The following HSD17B8 variants were observed in gnomAD, a reference collection of about 807,000 sequenced individuals.
The protein encoded by HSD17B8 is (3R)-3-hydroxyacyl-CoA dehydrogenase.
Under a neutral mutation model 33.2 loss-of-function variants are expected in HSD17B8, and 23 were observed. The observed-to-expected ratio is 0.69, with a 90% CI of 0.50 to 0.98. The LOEUF (loss-of-function observed/expected upper bound fraction) is 0.98, where lower values mean the gene tolerates loss of function less well. Ranked by LOEUF, HSD17B8 falls within the 50% of genes least tolerant of loss-of-function variation. The probability of loss-of-function intolerance (pLI) is 0.00; values close to 1 mark genes in which losing one functional copy is unlikely to be tolerated. For synonymous variants in HSD17B8, 137 were observed against 138.6 expected (o/e 0.99, Z 0.08); for missense variants, 345 against 347.5 (o/e 0.99, Z 0.06).
chr6:33,206,754 T>C lies in HSD17B8; in HGVS notation c.*100T>C. On this transcript the variant is annotated 3_prime_UTR_variant, in exon 9 of 9. Coordinates refer to ENST00000374662, the MANE Select transcript of HSD17B8 (RefSeq NM_014234.5). The surrounding 1 kb of genome is among the most constrained non-coding windows in gnomAD (Gnocchi z 6.2). ...TCCCAGGATACAAAAGGGGTGGCAGTGTATGGTTCAGGAATGCTGAATATG... is the reference window on the plus strand; with the variant it reads ...TCCCAGGATACAAAAGGGGTGGCAGCGTATGGTTCAGGAATGCTGAATATG... The C allele has an allele frequency of 7.7e-7, 1 of 1,294,074 alleles. No homozygotes were observed. Among genetic ancestry groups the C allele is most frequent in the East Asian group, 2.3e-5 (1 of 43,394 alleles). The allele number at this position is 1,294,074 out of a possible 1,614,324, so 80.2% of individuals were successfully genotyped here.
Position 33,204,984 on chromosome 6 carries a change from G to T in HSD17B8, c.135G>T (p.Arg45=). 6.7e-7 allele frequency: 1 copy of T among 1,484,624 alleles called. No homozygotes were observed. The highest frequency in any genetic ancestry group is 1.4e-5 in the South Asian group (1 of 71,536). 92.0% of individuals were successfully genotyped at this position (1,484,624 alleles called of 1,614,324 possible). A position where few individuals can be genotyped will look rare whatever the true frequency, so the allele number is the denominator to read the frequency against. ...GATVAACDLD[R]AAAQETVRLL... The stretch of plus-strand genomic sequence containing the variant: ...CCGTAGCTGCCTGCGACCTGGACCG[G>T]GCAGCGGCACAGGAGACGGTGCGGC... The change falls in exon 2 of 9, where the codon CGG becomes CGT. Residue 45 remains arginine, a synonymous_variant. Transcript: ENST00000374662.
At position 33,206,608 on chromosome 6, in the gene HSD17B8, C is replaced by T. The variant is rs563002362; in HGVS notation, c.770-30C>T. 5 of 1,613,250 alleles carry T rather than the reference C, an allele frequency of 3.1e-6. No homozygotes were observed. The South Asian group carries it at 3.3e-5, about 11-fold the overall frequency. ...TAGCCCATTTGTGTCTCCACCCATG[C>T]ATCTGTCCAAATGTTTCTGCCCCTC... On this transcript the variant is annotated intron_variant, in intron 8 of 8. Coordinates refer to ENST00000374662, the MANE Select transcript of HSD17B8 (RefSeq NM_014234.5). This position sits in a 1 kb window ranked among gnomAD's most constrained non-coding sequence, Gnocchi z 6.2.
Position 33,205,190 on chromosome 6 carries a change from G to A in HSD17B8, c.271-31G>A. On this transcript the variant is annotated intron_variant, in intron 2 of 8. Coordinates refer to ENST00000374662, the MANE Select transcript of HSD17B8 (RefSeq NM_014234.5). The surrounding 1 kb of genome is among the most constrained non-coding windows in gnomAD (Gnocchi z 5.0). ...CCACTGCCCCGGCTTTTTGTGGGGGGTTTTTGATGCGTAACCTCCCCCTCC... is the reference window on the plus strand; with the variant it reads ...CCACTGCCCCGGCTTTTTGTGGGGGATTTTTGATGCGTAACCTCCCCCTCC... The A allele has an allele frequency of 6.2e-7, 1 of 1,608,970 alleles. No individual in the cohort carries two copies. The highest frequency in any genetic ancestry group is 8.5e-7 in the Non-Finnish European group (1 of 1,176,728).
rs751333450 is a variant in HSD17B8 at position 33,205,109 on chromosome 6, AAC to A, written c.262_263del (p.Gln88SerfsTer22). The A allele has an allele frequency of 1.6e-5, 25 of 1,569,636 alleles. 2 individuals are homozygous for A. In the South Asian group the frequency reaches 3.0e-4, roughly 19 times the overall value. ...GCCAGGGCCGCCAGGTGCCTGCTGGAACAAGTGCAGGTGAACGCTAGGCCACT... is the reference window on the plus strand; with the variant it reads ...GCCAGGGCCGCCAGGTGCCTGCTGGAAAGTGCAGGTGAACGCTAGGCCACT... On this transcript the variant is annotated frameshift_variant, in exon 2 of 9. Transcript: ENST00000374662. LOFTEE classifies it high-confidence loss of function. The surrounding 1 kb of genome is among the most constrained non-coding windows in gnomAD (Gnocchi z 5.0).
Position 33,205,991 on chromosome 6 carries a change from G to A in HSD17B8, c.651+79G>A. The A allele has an allele frequency of 1.4e-6, 2 of 1,440,304 alleles. No homozygotes were observed. Among genetic ancestry groups the A allele is most frequent in the Non-Finnish European group, 2.0e-6 (2 of 1,025,498 alleles). 89.2% of individuals were successfully genotyped at this position (1,440,304 alleles called of 1,614,324 possible). On this transcript the variant is annotated intron_variant, in intron 6 of 8. Transcript: ENST00000374662. This position sits in a 1 kb window ranked among gnomAD's most constrained non-coding sequence, Gnocchi z 5.0. ...CTTCACAGAGAGAGAGAGAGAGAGA[G>A]AGAGAGAATACTGGGCACAGTTCCT...
chr6:33,206,267 G>A lies in HSD17B8; in HGVS notation c.694+91G>A. ...GGATTTTCTAGGGGACTGGTGGTTG[G>A]TGTCTGTGGAGAGGTTTGTGGGGAG... On this transcript the variant is annotated intron_variant, in intron 7 of 8. Transcript: ENST00000374662. The surrounding 1 kb of genome is among the most constrained non-coding windows in gnomAD (Gnocchi z 6.2). 6.4e-7 allele frequency: 1 copy of A among 1,557,046 alleles called. No individual in the cohort carries two copies. The highest frequency in any genetic ancestry group is 1.7e-5 in the Admixed American group (1 of 59,612).
rs768158059 is a variant in HSD17B8, at chr6:33,204,682, T to C, written c.14T>C (p.Leu5Pro). Reference protein sequence around the residue: MASQLQNRLRSALAL... With the variant: MASQPQNRLRSALAL... ...CCACAGCCCGCCATGGCGTCTCAGC[T>C]CCAGAACCGACTCCGCTCCGCACTG... The change falls in exon 1 of 9, where the codon CTC becomes CCC. Residue 5 changes from leucine to proline, a missense_variant. Leu to Pro is a moderately conservative substitution (Grantham distance 98). Coordinates refer to ENST00000374662, the MANE Select transcript of HSD17B8 (RefSeq NM_014234.5). The C allele has an allele frequency of 5.6e-5, 91 of 1,611,008 alleles. No homozygotes were observed. The highest frequency in any genetic ancestry group is 7.7e-5 in the Non-Finnish European group (91 of 1,178,922).
chr6:33,206,517 A>G lies in HSD17B8; in HGVS notation c.769+68A>G. 3.8e-6 allele frequency: 6 copies of G among 1,567,036 alleles called. No homozygotes were observed. Among genetic ancestry groups the G allele is most frequent in the Non-Finnish European group, 5.3e-6 (6 of 1,137,482 alleles). The stretch of plus-strand genomic sequence containing the variant: ...CCCAGACTATATGAGAAAGCAAGTA[A>G]GGGGAGTCTGGAGCCACTGGGAAGG... On this transcript the variant is annotated intron_variant, in intron 8 of 8. Coordinates refer to ENST00000374662, the MANE Select transcript of HSD17B8 (RefSeq NM_014234.5). This position sits in a 1 kb window ranked among gnomAD's most constrained non-coding sequence, Gnocchi z 6.2.
Position 33,206,801 on chromosome 6 carries a change from C to A in HSD17B8, c.*147C>A. On this transcript the variant is annotated 3_prime_UTR_variant, in exon 9 of 9. Transcript: ENST00000374662. The surrounding 1 kb of genome is among the most constrained non-coding windows in gnomAD (Gnocchi z 6.2). ...TATGGGAAGCAGGGGTGCTTGTGAC[C>A]CTAATAAATTCCAAGTCCTCTTCCC... is the stretch of plus-strand genomic sequence containing the variant. 1.2e-6 allele frequency: 1 copy of A among 859,552 alleles called. No homozygotes were observed. Among genetic ancestry groups the A allele is most frequent in the Non-Finnish European group, 1.9e-6 (1 of 517,576 alleles). 53.2% of individuals were successfully genotyped at this position (859,552 alleles called of 1,614,324 possible).
Position 33,205,431 on chromosome 6 carries a change from TACCCTTTCCCGCC to T in HSD17B8, c.388-14_388-2del. The T allele has an allele frequency of 6.2e-7, 1 of 1,612,608 alleles. No individual in the cohort carries two copies. Among genetic ancestry groups the T allele is most frequent in the East Asian group, 2.2e-5 (1 of 44,874 alleles). ...CCCCAGCTGATCTTTTCTCCCTTGT[TACCCTTTCCCGCC>T]AGGGCACCTTCCTAGTCACTCAGGC... is the stretch of plus-strand genomic sequence containing the variant. On this transcript the variant is annotated splice_polypyrimidine_tract_variant and splice_region_variant and intron_variant, in intron 3 of 8. Coordinates refer to ENST00000374662, the MANE Select transcript of HSD17B8 (RefSeq NM_014234.5). This position sits in a 1 kb window ranked among gnomAD's most constrained non-coding sequence, Gnocchi z 5.0.
chr6:33,205,459 G>A lies in HSD17B8; in HGVS notation c.400G>A (p.Val134Ile), dbSNP rs758662649. 2 of 1,613,136 alleles carry A rather than the reference G, an allele frequency of 1.2e-6. No homozygotes were observed. The highest frequency in any genetic ancestry group is 1.7e-6 in the Non-Finnish European group (2 of 1,180,024). Reference protein sequence around the residue: ...IAVNLKGTFLVTQAAAQALVS... With the variant: ...IAVNLKGTFLITQAAAQALVS... ...CCTTTCCCGCCAGGGCACCTTCCTA[G>A]TCACTCAGGCTGCAGCACAAGCCCT... Residue 134 changes from valine (V) to isoleucine (I), a missense_variant, in exon 4 of 9, where the codon GTC (valine) becomes ATC (isoleucine). Coordinates refer to ENST00000374662, the MANE Select transcript of HSD17B8 (RefSeq NM_014234.5). The surrounding 1 kb of genome is among the most constrained non-coding windows in gnomAD (Gnocchi z 5.0).
rs1774947824 is a variant in HSD17B8, at chr6:33,205,255, C to T, written c.305C>T (p.Ser102Phe). 1.2e-6 allele frequency: 2 copies of T among 1,613,318 alleles called. No homozygotes were observed. Among genetic ancestry groups the T allele is most frequent in the Non-Finnish European group, 1.7e-6 (2 of 1,180,016 alleles). ...TCTCGCCCACCATCTGTCGTTGTGT[C>T]CTGTGCGGGCATCACCCAGGATGAG... Reference protein sequence around the residue: ...CFSRPPSVVVSCAGITQDEFL... With the variant: ...CFSRPPSVVVFCAGITQDEFL... The change falls in exon 3 of 9, where the codon TCC (serine) becomes TTC (phenylalanine). Residue 102 changes from serine to phenylalanine, a missense_variant. Transcript: ENST00000374662. This position sits in a 1 kb window ranked among gnomAD's most constrained non-coding sequence, Gnocchi z 5.0.
In HSD17B8 at chr6:33,205,358, G is replaced by A; in HGVS notation, c.387+21G>A. ...TCAAGGTGGCGATCTCTGAACCTGC[G>A]ACGTTTGGCCCCCTTAGCCTGGGGA... is the stretch of plus-strand genomic sequence containing the variant. On this transcript the variant is annotated intron_variant, in intron 3 of 8. Coordinates refer to ENST00000374662, the MANE Select transcript of HSD17B8 (RefSeq NM_014234.5). The surrounding 1 kb of genome is among the most constrained non-coding windows in gnomAD (Gnocchi z 5.0). 6.2e-7 allele frequency: 1 copy of A among 1,608,324 alleles called. No homozygotes were observed. Among genetic ancestry groups the A allele is most frequent in the Non-Finnish European group, 8.5e-7 (1 of 1,175,420 alleles).
chr6:33,204,858 C>G, intron 1 of HSD17B8, 44 bp from the exon 2 acceptor site: 20 of 1,496,124 alleles, frequency 1.3e-5, no homozygotes, highest in Non-Finnish European at 1.8e-5. Context: ...GATCCCTGCC[C>G]TCTCCTCCCC....
Position 33,205,661 on chromosome 6 carries a change from A to G in HSD17B8, c.502A>G (p.Asn168Asp). ...ATAGGTGGGGAACGTGGGGCAGACA[A>G]ACTATGCAGCATCCAAGGCTGGAGT... ...VGKVGNVGQT[N>D]YAASKAGVIG... The change falls in exon 5 of 9, where the codon AAC (asparagine) becomes GAC (aspartate). Residue 168 changes from asparagine to aspartate, a missense_variant. Transcript: ENST00000374662. The surrounding 1 kb of genome is among the most constrained non-coding windows in gnomAD (Gnocchi z 5.0). 6.2e-7 allele frequency: 1 copy of G among 1,613,044 alleles called. No homozygotes were observed. Among genetic ancestry groups the G allele is most frequent in the African/African-American group, 1.3e-5 (1 of 75,024 alleles).
Position 33,206,315 on chromosome 6 carries a change from T to C in HSD17B8, c.695-60T>C. ...GAGGGATGTCTTTGGTGGGAGATTATGGCTGTTTTGGGTCTATGGGAGTGA... is the reference window on the plus strand; with the variant it reads ...GAGGGATGTCTTTGGTGGGAGATTACGGCTGTTTTGGGTCTATGGGAGTGA... On this transcript the variant is annotated intron_variant, in intron 7 of 8. Coordinates refer to ENST00000374662, the MANE Select transcript of HSD17B8 (RefSeq NM_014234.5). The surrounding 1 kb of genome is among the most constrained non-coding windows in gnomAD (Gnocchi z 6.2). 6.4e-7 allele frequency: 1 copy of C among 1,569,846 alleles called. No individual in the cohort carries two copies. Among genetic ancestry groups the C allele is most frequent in the Non-Finnish European group, 8.8e-7 (1 of 1,141,172 alleles).
rs1255060540 is a variant in HSD17B8, at chr6:33,204,740, C to T, written c.52+20C>T. 2.5e-6 allele frequency: 4 copies of T among 1,612,726 alleles called. No homozygotes were observed. Among genetic ancestry groups the T allele is most frequent in the Admixed American group, 3.3e-5 (2 of 59,988 alleles). ...TCACAGGTTGAGGGGGTTCTTTCCC[C>T]GGGCGGTTTGGGGTATTGGAGTGAG... On this transcript the variant is annotated intron_variant, in intron 1 of 8. Transcript: ENST00000374662.
Position 33,205,649 on chromosome 6 carries a change from G to T in HSD17B8, c.490G>T (p.Val164Leu). 1 of 1,613,084 alleles carries T rather than the reference G, an allele frequency of 6.2e-7. No homozygotes were observed. The highest frequency in any genetic ancestry group is 8.5e-7 in the Non-Finnish European group (1 of 1,180,022). ...TCTGACTCACCTATAGGTGGGGAAC[G>T]TGGGGCAGACAAACTATGCAGCATC... Reference protein sequence around the residue: ...ISSIVGKVGNVGQTNYAASKA... With the variant: ...ISSIVGKVGNLGQTNYAASKA... Residue 164 changes from valine to leucine, a missense_variant, in exon 5 of 9, where the codon GTG becomes TTG. Coordinates refer to ENST00000374662, the MANE Select transcript of HSD17B8 (RefSeq NM_014234.5). The surrounding 1 kb of genome is among the most constrained non-coding windows in gnomAD (Gnocchi z 5.0).
chr6:33,204,672 G>C lies in HSD17B8; in HGVS notation c.4G>C (p.Ala2Pro), dbSNP rs371077739. Residue 2 changes from alanine (A) to proline (P), a missense_variant, in exon 1 of 9, where the codon GCG becomes CCG. Coordinates refer to ENST00000374662, the MANE Select transcript of HSD17B8 (RefSeq NM_014234.5). Reference protein sequence around the residue: MASQLQNRLRSA... With the variant: MPSQLQNRLRSA... ...TCCCACCCACCCACAGCCCGCCATG[G>C]CGTCTCAGCTCCAGAACCGACTCCG... The C allele has an allele frequency of 6.2e-7, 1 of 1,612,900 alleles. No homozygotes were observed. The highest frequency in any genetic ancestry group is 2.2e-5 in the East Asian group (1 of 44,876).
Sources: gnomAD v4.1 joint callset for allele counts on GRCh38, gnomAD v4.1.1 for gene constraint, Gnocchi (gnomAD v3.1) non-coding constraint, MANE v1.5 for transcripts, NCBI Gene and HGNC (gene_info 2026-07-23, HGNC 2026-07-21) for gene names.